The following CTIF variants were observed in gnomAD, a reference collection of about 807,000 sequenced individuals.
CTIF encodes the protein CBP80/20-dependent translation initiation factor.
CTIF carries 21 observed loss-of-function variants against 66.0 expected under a neutral mutation model. The observed-to-expected ratio is 0.32, with a 90% CI of 0.23 to 0.46. CTIF has a LOEUF of 0.46. Ranked by LOEUF, CTIF falls within the 20% of genes least tolerant of loss-of-function variation. CTIF has a pLI of 1.00. For synonymous variants in CTIF, 345 were observed against 326.4 expected (o/e 1.06, Z -0.62); for missense variants, 739 against 812.7 (o/e 0.91, Z 1.10).
chr18:48,690,844 C>T (rs1285503933), intron 6 of CTIF, among the ~76,000 whole-genome samples: 3 of 152,044 alleles, frequency 2.0e-5, no homozygotes, highest in Non-Finnish European at 4.4e-5. Flanking sequence ...AAACCACCAT[C>T]TCAGAAGGCT....
chr18:48,661,238 G>A lies in CTIF; in HGVS notation c.253-2514G>A, dbSNP rs147472154. 4.5e-3 allele frequency among the ~76,000 whole-genome samples: 685 copies of A among 152,294 alleles called. 8 individuals carry two copies. Among genetic ancestry groups the A allele is most frequent in the African/African-American group, 0.016 (656 of 41,562 alleles). ...ATCCACTGAAGCTGAATTTATAGGC[G>A]CCAGAGAACATTGGGTATTTAACAG... is the stretch of plus-strand genomic sequence containing the variant. On this transcript the variant is annotated intron_variant, in intron 3 of 11. Transcript: ENST00000256413.
intron 10 of CTIF, among the ~76,000 whole-genome samples, chr18:48,825,551 C>T (rs940178935): frequency 1.3e-5 from 2 of 152,180 alleles, no homozygotes; most frequent in South Asian, 2.1e-4. Flanking sequence ...TGAGATGAAG[C>T]GGGTGTGGGT....
At chr18:48,540,847 C>G (rs2088595414) in intron 1 of CTIF, among the ~76,000 whole-genome samples, 1 of 151,796 alleles carries the variant, frequency 6.6e-6, no homozygotes, top group Non-Finnish European at 1.5e-5. Context: ...TGTGTCCCCG[C>G]GCGCGCGCGC....
At chr18:48,799,087 C>G (rs1370149823) in intron 9 of CTIF, among the ~76,000 whole-genome samples, 1 of 152,326 alleles carries the variant, frequency 6.6e-6, no homozygotes, top group Admixed American at 6.5e-5. Context: ...AGCCAGCAGC[C>G]TCGGGTCACG....
chr18:48,698,536 T>A (rs1327834887), intron 6 of CTIF, among the ~76,000 whole-genome samples: 1 of 152,228 alleles, frequency 6.6e-6, no homozygotes, highest in Non-Finnish European at 1.5e-5. Context: ...TTAAATTTAC[T>A]GGTTTATGAA....
chr18:48,549,011 C>A (rs1248223970), intron 1 of CTIF, among the ~76,000 whole-genome samples: 1 of 151,854 alleles, frequency 6.6e-6, no homozygotes, highest in Non-Finnish European at 1.5e-5. Context: ...AATGGATAAT[C>A]ATGCTGGGAC....
chr18:48,729,686 G>C (rs981324884), intron 7 of CTIF, among the ~76,000 whole-genome samples: 3 of 152,202 alleles, frequency 2.0e-5, no homozygotes, highest in African/African-American at 7.2e-5. Flanking sequence ...TGGAAAACAC[G>C]TGCTCCTTTT....
chr18:48,621,546 A>G (rs74439569), intron 2 of CTIF: 6,494 of 389,706 alleles, frequency 0.017, 344 homozygotes, highest in African/African-American at 0.12. Context: ...CCTAGAGACC[A>G]GTGAGGCAGG....
chr18:48,682,495 G>C (rs1264458009), intron 6 of CTIF, among the ~76,000 whole-genome samples: 1 of 152,194 alleles, frequency 6.6e-6, no homozygotes, highest in Non-Finnish European at 1.5e-5. Context: ...CTGTGATACT[G>C]ATGCGTGCAA....
intron 9 of CTIF, among the ~76,000 whole-genome samples, chr18:48,768,095 TTCCTCTAACTC>T (rs1387402314): frequency 3.3e-5 from 5 of 152,140 alleles, no homozygotes; most frequent in Admixed American, 1.3e-4. Flanking sequence ...AACTGGGCCA[TTCCTCTAACTC>T]TCTTCCTAAG....
intron 7 of CTIF, among the ~76,000 whole-genome samples, chr18:48,738,951 G>C (rs7242814): frequency 0.041 from 6,191 of 152,224 alleles, 400 homozygotes; most frequent in African/African-American, 0.14. Context: ...AGCTCCTTGG[G>C]CTACCTCCCA....
chr18:48,645,354 G>C (rs2091010232), intron 3 of CTIF, among the ~76,000 whole-genome samples: 1 of 148,998 alleles, frequency 6.7e-6, no homozygotes, highest in South Asian at 2.1e-4. Context: ...AGATAGGATA[G>C]AGAAGAAGGA....
chr18:48,711,028 G>A (rs2092216975), intron 6 of CTIF, among the ~76,000 whole-genome samples: 2 of 152,106 alleles, frequency 1.3e-5, no homozygotes, highest in South Asian at 4.2e-4. Context: ...CTAATTCCAT[G>A]TTTTCCTAAA....
In CTIF at chr18:48,781,555, G is replaced by A. The variant is rs139423203; in HGVS notation, c.1371+19866G>A. Among the ~76,000 whole-genome samples the A allele has an allele frequency of 2.2e-3, 337 of 152,276 alleles. 1 individual carries two copies. The highest frequency in any genetic ancestry group is 7.7e-3 in the African/African-American group (318 of 41,552). On this transcript the variant is annotated intron_variant, in intron 9 of 11. Transcript: ENST00000256413. ...TCTGCCGGCGAGGGTGGCTGGAGCC[G>A]GGCGGTCTGAGGCCATATCTAGCGA... is the stretch of plus-strand genomic sequence containing the variant.
At chr18:48,718,223 C>T (rs1412171647) in intron 7 of CTIF, among the ~76,000 whole-genome samples, 1 of 152,182 alleles carries the variant, frequency 6.6e-6, no homozygotes, top group African/African-American at 2.4e-5. Context: ...AAATGATATC[C>T]ATATTTTTCC....
intron 9 of CTIF, among the ~76,000 whole-genome samples, chr18:48,776,462 C>T (rs1910690774): frequency 6.6e-6 from 1 of 152,256 alleles, no homozygotes; most frequent in Non-Finnish European, 1.5e-5. Flanking sequence ...TTGCTGCTTT[C>T]ACCTCACTCC....
chr18:48,677,783 G>C lies in CTIF; in HGVS notation c.507+7039G>C, dbSNP rs531710579. Among the ~76,000 whole-genome samples, 22 of 152,130 alleles carry C rather than the reference G, an allele frequency of 1.4e-4. No individual in the cohort carries two copies. In the South Asian group the frequency reaches 3.9e-3, roughly 27 times the overall value. On this transcript the variant is annotated intron_variant, in intron 6 of 11. Transcript: ENST00000256413. ...TACGTTCCCCTGGGGCACATCTAGG[G>C]GCTCATTAAATATGGGTTGAGTGAC...
chr18:48,670,544 C>T, intron 5 of CTIF, 125 bp from the exon 6 acceptor site: 1 of 824,214 alleles, frequency 1.2e-6, no homozygotes, highest in Admixed American at 1.9e-5. Flanking sequence ...GGGACAGCCC[C>T]TGCAGGGCTT....
At chr18:48,843,229 C>G (rs2068988681) in intron 10 of CTIF, among the ~76,000 whole-genome samples, 4 of 152,056 alleles carry the variant, frequency 2.6e-5, no homozygotes, top group Admixed American at 2.6e-4. Flanking sequence ...AGATTTCCCC[C>G]TAGGCCAGGC....
Sources: allele counts gnomAD v4.1 joint callset (sites outside exome capture counted in the v4.1 genomes callset), GRCh38; gene constraint gnomAD v4.1.1; transcripts MANE v1.5; gene names NCBI Gene and HGNC (gene_info 2026-07-23, HGNC 2026-07-21).